Variants in ABCC6 observed in about 807,000 individuals in gnomAD.
ABCC6 encodes the protein ATP-binding cassette sub-family C member 6.
A neutral mutation model predicts 169.5 loss-of-function variants in ABCC6; 126 were observed. The ratio of observed to expected loss-of-function variants is 0.74; its 90% CI spans 0.64 to 0.86. The LOEUF is 0.86. ABCC6 is among the 40% of genes least tolerant of loss of function. ABCC6 has a pLI of 0.00. For synonymous variants in ABCC6, 752 were observed against 814.7 expected (o/e 0.92, Z 1.31); for missense variants, 1,733 against 1,927.2 (o/e 0.90, Z 1.89).
intron 21 of ABCC6, among the ~76,000 whole-genome samples, chr16:16,170,992 G>A (rs1377294193): frequency 7.1e-5 from 10 of 140,956 alleles, no homozygotes; most frequent in South Asian, 2.4e-4. Flanking sequence ...TTCTTATCTC[G>A]CCCCCACTCA....
chr16:16,169,405 C>T (rs1321406845), intron 22 of ABCC6, among the ~76,000 whole-genome samples: 2 of 152,172 alleles, frequency 1.3e-5, no homozygotes, highest in African/African-American at 2.4e-5. Flanking sequence ...TTGCAGACGC[C>T]TTCCGCTAGT....
intron 4 of ABCC6, among the ~76,000 whole-genome samples, chr16:16,215,370 A>T (rs915697665): frequency 1.3e-5 from 2 of 151,784 alleles, no homozygotes; most frequent in African/African-American, 4.8e-5. Context: ...CTGCCCTGTC[A>T]TCTGGTCAGA....
chr16:16,193,080 G>T (rs373962737), intron 10 of ABCC6, among the ~76,000 whole-genome samples, 158 bp from the exon 11 acceptor site: 3 of 152,280 alleles, frequency 2.0e-5, no homozygotes, highest in African/African-American at 7.2e-5. Flanking sequence ...GTAAGTCACA[G>T]GATGAGATAG....
chr16:16,180,607 C>T (rs1212322638), intron 17 of ABCC6, among the ~76,000 whole-genome samples: 1 of 152,176 alleles, frequency 6.6e-6, no homozygotes, highest in Non-Finnish European at 1.5e-5. Flanking sequence ...ATTCTCCTGC[C>T]TCAGCCTCCC....
intron 14 of ABCC6, 91 bp from the exon 15 acceptor site, chr16:16,185,125 C>A (rs566695800): frequency 5.8e-6 from 7 of 1,216,060 alleles, no homozygotes; most frequent in African/African-American, 1.5e-5. Flanking sequence ...CCCGCCCCCC[C>A]CAGGGGCAGA....
intron 13 of ABCC6, 108 bp from the exon 14 acceptor site, chr16:16,187,319 T>G: frequency 1.1e-6 from 1 of 890,012 alleles, no homozygotes; most frequent in Non-Finnish European, 1.8e-6. Flanking sequence ...TACCAAGCTC[T>G]GTGCATAGGA....
chr16:16,222,655 A>G (rs2049112425), intron 1 of ABCC6, among the ~76,000 whole-genome samples: 1 of 151,892 alleles, frequency 6.6e-6, no homozygotes, highest in South Asian at 2.1e-4. Flanking sequence ...CTGGGATTAC[A>G]GGCAAGAGCC....
intron 22 of ABCC6, 24 bp from the exon 23 acceptor site, chr16:16,165,957 G>C (rs2046861659): frequency 6.2e-7 from 1 of 1,610,224 alleles, no homozygotes; most frequent in Admixed American, 1.7e-5. Context: ...GGAGGTAAGA[G>C]CATGAGGGCT....
At chr16:16,159,440 T>TA in intron 26 of ABCC6, 42 bp downstream of exon 26, 1 of 1,448,608 alleles carries the variant, frequency 6.9e-7, no homozygotes, top group South Asian at 1.1e-5. Flanking sequence ...CCCCCCACAA[T>TA]ATGTCCTTGC....
chr16:16,214,930 C>CA (rs1183487408), intron 4 of ABCC6, among the ~76,000 whole-genome samples: 2 of 152,132 alleles, frequency 1.3e-5, no homozygotes, highest in African/African-American at 4.8e-5. Flanking sequence ...TTCAAATACC[C>CA]AATTTATAAT....
At chr16:16,151,483 A>G (rs1329770757) in intron 29 of ABCC6, among the ~76,000 whole-genome samples, 3 of 152,240 alleles carry the variant, frequency 2.0e-5, no homozygotes, top group Non-Finnish European at 4.4e-5. Context: ...AAACAAACCT[A>G]CAATGACTGA....
Position 16,192,845 on chromosome 16 carries a change from T to C in ABCC6, c.1416A>G (p.Lys472=). The change falls in exon 11 of 31, where the codon AAA becomes AAG. Residue 472 remains lysine (K), a synonymous_variant. Coordinates refer to ENST00000205557, the MANE Select transcript of ABCC6 (RefSeq NM_001171.6). ...LLPLNFFISK[K]RNHHQEEQMR... ...AAAGCCAAACCTGATGGTGGTTCCT[T>C]TTCTTGGAGATGAAGAAATTCAGAG... The C allele has an allele frequency of 6.2e-7, 1 of 1,614,082 alleles. No individual in the cohort carries two copies. The highest frequency in any genetic ancestry group is 1.7e-5 in the Admixed American group (1 of 60,018).
chr16:16,195,972 G>A (rs1384645971), intron 10 of ABCC6, among the ~76,000 whole-genome samples: 2 of 152,130 alleles, frequency 1.3e-5, no homozygotes, highest in South Asian at 2.1e-4. Flanking sequence ...CACTTTGGGA[G>A]GCTGAGGTGG....
intron 30 of ABCC6, 44 bp from the exon 31 acceptor site, chr16:16,150,285 C>A: frequency 6.2e-7 from 1 of 1,612,502 alleles, no homozygotes. Flanking sequence ...GACACCAGCC[C>A]AGGCTCTCGG....
At chr16:16,164,097 A>C (rs548189122) in intron 23 of ABCC6, among the ~76,000 whole-genome samples, 1 of 152,174 alleles carries the variant, frequency 6.6e-6, no homozygotes, top group South Asian at 2.1e-4. Context: ...GCAGTGGTGC[A>C]ATCTCAGCTC....
intron 25 of ABCC6, among the ~76,000 whole-genome samples, chr16:16,161,187 AAGT>A (rs1489232105): frequency 6.6e-6 from 1 of 152,228 alleles, no homozygotes; most frequent in Non-Finnish European, 1.5e-5. Flanking sequence ...ATAACATCAG[AAGT>A]AGTGGGATTT....
Position 16,159,499 on chromosome 16 carries a change from C to CAT in ABCC6, c.3716_3717dup (p.Ala1240MetfsTer34). Reference sequence around the variant, plus strand: ...CCCATCACCTCCTTGGGCGTCCAGGCATAGTCCTGCATCCGCTCCACTGAC... The same window carrying CAT: ...CCCATCACCTCCTTGGGCGTCCAGGCATATAGTCCTGCATCCGCTCCACTGAC... On this transcript the variant is annotated frameshift_variant, in exon 26 of 31. Coordinates refer to ENST00000205557, the MANE Select transcript of ABCC6 (RefSeq NM_001171.6). LOFTEE classifies it high-confidence loss of function. The CAT allele has an allele frequency of 6.2e-7, 1 of 1,614,068 alleles. No individual in the cohort carries two copies. Among genetic ancestry groups the CAT allele is most frequent in the Non-Finnish European group, 8.5e-7 (1 of 1,179,998 alleles).
chr16:16,188,669 C>A (rs1159897149), intron 13 of ABCC6, among the ~76,000 whole-genome samples, 162 bp downstream of exon 13: 1 of 152,204 alleles, frequency 6.6e-6, no homozygotes, highest in Non-Finnish European at 1.5e-5. Flanking sequence ...CTCTGCCCGC[C>A]TCTGTTCTTG....
In ABCC6 at chr16:16,165,799, G is replaced by A; in HGVS notation, c.3130C>T (p.Leu1044=). The A allele has an allele frequency of 6.2e-7, 1 of 1,613,716 alleles. No individual in the cohort carries two copies. The highest frequency in any genetic ancestry group is 8.5e-7 in the Non-Finnish European group (1 of 1,180,044). ...SFFERTPIGH[L]LNRFSKETDT... ...GTCTCCTTGGAGAAGCGGTTTAGCAGGTGACCAATGGGTGTCCGCTCAAAG... is the reference window on the plus strand; with the variant it reads ...GTCTCCTTGGAGAAGCGGTTTAGCAAGTGACCAATGGGTGTCCGCTCAAAG... Residue 1044 remains leucine, a synonymous_variant, in exon 23 of 31, where the codon CTG becomes TTG. Coordinates refer to ENST00000205557, the MANE Select transcript of ABCC6 (RefSeq NM_001171.6).
Sources: allele counts gnomAD v4.1 joint callset (sites outside exome capture counted in the v4.1 genomes callset), GRCh38; gene constraint gnomAD v4.1.1; transcripts MANE v1.5; gene names NCBI Gene and HGNC (gene_info 2026-07-23, HGNC 2026-07-21).